MCPH1: variants seen among roughly 807,000 people sequenced by gnomAD.
The protein encoded by MCPH1 is microcephalin.
Under a neutral mutation model 84.5 loss-of-function variants are expected in MCPH1, and 104 were observed. The ratio of observed to expected loss-of-function variants is 1.23; its 90% CI spans 1.05 to 1.45. The LOEUF (loss-of-function observed/expected upper bound fraction) is 1.45, where lower values mean the gene tolerates loss of function less well. MCPH1 is among the 40% of genes most tolerant of loss of function. MCPH1 has a pLI of 0.00. For synonymous variants in MCPH1, 514 were observed against 366.8 expected (o/e 1.40, Z -4.58); for missense variants, 1,498 against 1,005.7 (o/e 1.49, Z -6.62).
At chr8:6,640,575 T>C (rs143905068) in intron 13 of MCPH1, among the ~76,000 whole-genome samples, 101 of 152,346 alleles carry the variant, frequency 6.6e-4, no homozygotes, top group African/African-American at 2.4e-3. Flanking sequence ...TACAGCAATG[T>C]TTACATAATA....
intron 4 of MCPH1, among the ~76,000 whole-genome samples, chr8:6,434,219 A>G (rs951243733): frequency 1.3e-5 from 2 of 152,156 alleles, no homozygotes; most frequent in Admixed American, 1.3e-4. Context: ...CAGGACCCCA[A>G]AATAACAATG....
At chr8:6,619,487 C>G (rs1831191259) in intron 12 of MCPH1, among the ~76,000 whole-genome samples, 1 of 151,824 alleles carries the variant, frequency 6.6e-6, no homozygotes, top group African/African-American at 2.4e-5. Context: ...GATGGGGTTT[C>G]TCCATGTTGG....
At chr8:6,593,856 A>T (rs1421528419) in intron 12 of MCPH1, among the ~76,000 whole-genome samples, 1 of 152,226 alleles carries the variant, frequency 6.6e-6, no homozygotes, top group Admixed American at 6.5e-5. Flanking sequence ...ATCATTCCAC[A>T]ACAATAGACC....
intron 12 of MCPH1, chr8:6,500,227 T>G (rs986019890): frequency 2.6e-6 from 1 of 388,570 alleles, no homozygotes; most frequent in Non-Finnish European, 4.8e-6. Flanking sequence ...GCAGGTAGTC[T>G]TATATCTTGC....
chr8:6,495,964 C>T (rs1811176577), intron 11 of MCPH1, among the ~76,000 whole-genome samples: 1 of 152,106 alleles, frequency 6.6e-6, no homozygotes, highest in Non-Finnish European at 1.5e-5. Flanking sequence ...GCACCAAGGA[C>T]CAGTTTTGTG....
At chr8:6,563,976 C>CTTTTTTT (rs11358428) in intron 12 of MCPH1, among the ~76,000 whole-genome samples, 2 of 85,410 alleles carry the variant, frequency 2.3e-5, no homozygotes, top group African/African-American at 7.8e-5. Flanking sequence ...GGAATACAAA[C>CTTTTTTT]TTTTTTTTTT....
intron 12 of MCPH1, among the ~76,000 whole-genome samples, chr8:6,553,992 G>C (rs7004238): frequency 0.11 from 16,103 of 151,812 alleles, 2,293 homozygotes; most frequent in African/African-American, 0.33. Context: ...TAGTGACATA[G>C]AGAGACGAGC....
intron 3 of MCPH1, among the ~76,000 whole-genome samples, chr8:6,419,284 G>T (rs533999661): frequency 1.7e-3 from 265 of 152,124 alleles, no homozygotes; most frequent in Non-Finnish European, 1.6e-3. Context: ...CAATGACTCA[G>T]TTGCAGCTTA....
intron 5 of MCPH1, among the ~76,000 whole-genome samples, chr8:6,437,165 C>T (rs1420800544): frequency 6.6e-6 from 1 of 152,046 alleles, no homozygotes; most frequent in Non-Finnish European, 1.5e-5. Context: ...TTGTTTTAAT[C>T]TATGTTACTA....
At chr8:6,529,349 T>G (rs930602735) in intron 12 of MCPH1, among the ~76,000 whole-genome samples, 1 of 152,230 alleles carries the variant, frequency 6.6e-6, no homozygotes, top group Non-Finnish European at 1.5e-5. Context: ...AGATTTGAAT[T>G]TAAGTCTGTT....
chr8:6,441,882 A>G (rs1465020802), intron 6 of MCPH1, among the ~76,000 whole-genome samples, 185 bp from the exon 7 acceptor site: 1 of 152,226 alleles, frequency 6.6e-6, no homozygotes, highest in Non-Finnish European at 1.5e-5. Flanking sequence ...CAGACTGGAA[A>G]TGTTCACTTA....
At chr8:6,612,172 A>C (rs184824618) in intron 12 of MCPH1, among the ~76,000 whole-genome samples, 139 of 152,294 alleles carry the variant, frequency 9.1e-4, no homozygotes, top group African/African-American at 3.2e-3. Context: ...CCAAGGGTTT[A>C]GGGGCTCACT....
At chr8:6,637,741 A>C (rs1797661441) in intron 13 of MCPH1, among the ~76,000 whole-genome samples, 1 of 151,648 alleles carries the variant, frequency 6.6e-6, no homozygotes. Flanking sequence ...GATCCTCCTA[A>C]CTCGGCCTCT....
In MCPH1 at chr8:6,414,797, C is replaced by G. The variant is rs1488084787; in HGVS notation, c.147C>G (p.His49Gln). Reference sequence around the variant, plus strand: ...AAACTTTTAACAAACAAGTAACTCACGTTATCTTCAAAGATGGCTACCAGA... The same window carrying G: ...AAACTTTTAACAAACAAGTAACTCAGGTTATCTTCAAAGATGGCTACCAGA... ...VSKTFNKQVT[H>Q]VIFKDGYQST... Residue 49 changes from histidine to glutamine, a missense_variant, in exon 3 of 14, where the codon CAC becomes CAG. Coordinates refer to ENST00000344683, the MANE Select transcript of MCPH1 (RefSeq NM_024596.5). The G allele has an allele frequency of 1.9e-6, 3 of 1,613,588 alleles. No homozygotes were observed. The highest frequency in any genetic ancestry group is 2.2e-5 in the East Asian group (1 of 44,880).
chr8:6,645,902 T>A lies in MCPH1; in HGVS notation c.*2853T>A, dbSNP rs1268858918. 1 of 152,130 alleles carries A rather than the reference T, an allele frequency of 6.6e-6. No homozygotes were observed. Among genetic ancestry groups the A allele is most frequent in the Non-Finnish European group, 1.5e-5 (1 of 68,012 alleles). 9.4% of individuals were successfully genotyped at this position (152,130 alleles called of 1,614,324 possible). A position where few individuals can be genotyped will look rare whatever the true frequency, so the allele number is the denominator to read the frequency against. ...TCTTTAAATAGAGACATATACAAAG[T>A]TCATAGATTAGAAGATGCAATATTG... On this transcript the variant is annotated 3_prime_UTR_variant, in exon 14 of 14. Transcript: ENST00000344683.
intron 6 of MCPH1, among the ~76,000 whole-genome samples, chr8:6,440,899 G>A (rs1247833326): frequency 1.3e-5 from 2 of 152,226 alleles, no homozygotes; most frequent in Non-Finnish European, 2.9e-5. Flanking sequence ...GCCTAGTTCA[G>A]AAGTAGGCAG....
intron 12 of MCPH1, among the ~76,000 whole-genome samples, chr8:6,574,400 C>G (rs1402693878): frequency 6.6e-6 from 1 of 152,160 alleles, no homozygotes; most frequent in African/African-American, 2.4e-5. Flanking sequence ...TAAGAGCCCA[C>G]CCCACTCCAG....
chr8:6,457,911 C>G (rs1487017468), intron 9 of MCPH1, among the ~76,000 whole-genome samples: 1 of 152,106 alleles, frequency 6.6e-6, no homozygotes, highest in Non-Finnish European at 1.5e-5. Context: ...GCGCATTGGA[C>G]TCACCTGGGG....
At position 6,479,402 on chromosome 8, in the gene MCPH1, CTATTTATTTATTTATT is replaced by C. The variant is rs149984870; in HGVS notation, c.1974-1278_1974-1263del. On this transcript the variant is annotated intron_variant, in intron 10 of 13. Coordinates refer to ENST00000344683, the MANE Select transcript of MCPH1 (RefSeq NM_024596.5). Reference sequence around the variant, plus strand: ...AGAGGAGAGATGTTTATTTCTTTTTCTATTTATTTATTTATTTATTTATTTATTTATTTATTTATTT... The same window carrying C: ...AGAGGAGAGATGTTTATTTCTTTTTCTATTTATTTATTTATTTATTTATTT... 1.4e-3 allele frequency among the ~76,000 whole-genome samples: 200 copies of C among 140,280 alleles called. 1 individual carries two copies. Among genetic ancestry groups the C allele is most frequent in the East Asian group, 6.1e-3 (29 of 4,770 alleles). 92.0% of individuals were successfully genotyped at this position (140,280 alleles called of 152,430 possible).
Sources: allele counts gnomAD v4.1 joint callset (sites outside exome capture counted in the v4.1 genomes callset), GRCh38; gene constraint gnomAD v4.1.1; transcripts MANE v1.5; gene names NCBI Gene and HGNC (gene_info 2026-07-23, HGNC 2026-07-21).